Variants in FHIT observed in about 807,000 individuals in gnomAD.
FHIT encodes bis(5'-adenosyl)-triphosphatase.
A neutral mutation model predicts 17.9 loss-of-function variants in FHIT; 19 were observed. The observed-to-expected ratio is 1.06, with a 90% CI of 0.74 to 1.56. FHIT has a LOEUF of 1.56. Ranked by LOEUF, FHIT falls within the 40% of genes most tolerant of loss-of-function variation. The pLI is 0.00. For missense variants in FHIT, 248 were observed against 189.2 expected (o/e 1.31, Z -1.82); for synonymous variants, 81 against 69.7 (o/e 1.16, Z -0.81).
At chr3:61,106,694 C>A (rs1451458029) in intron 2 of FHIT, among the ~76,000 whole-genome samples, 1 of 152,106 alleles carries the variant, frequency 6.6e-6, no homozygotes, top group East Asian at 1.9e-4. Context: ...TGGAGTCTCG[C>A]TCTGTCGCCC....
At chr3:59,870,062 G>C (rs1248343225) in intron 8 of FHIT, among the ~76,000 whole-genome samples, 1 of 152,154 alleles carries the variant, frequency 6.6e-6, no homozygotes, top group Non-Finnish European at 1.5e-5. Context: ...TGGGGAAACT[G>C]AGATAGAGTT....
chr3:59,911,816 C>T (rs1289819556), intron 8 of FHIT, among the ~76,000 whole-genome samples: 2 of 152,130 alleles, frequency 1.3e-5, no homozygotes, highest in African/African-American at 2.4e-5. Flanking sequence ...TTCGGAGAAC[C>T]AGGCTTTGAA....
intron 4 of FHIT, among the ~76,000 whole-genome samples, chr3:60,662,252 A>G (rs1204973323): frequency 6.6e-6 from 1 of 152,130 alleles, no homozygotes; most frequent in Non-Finnish European, 1.5e-5. Context: ...TCATTCTTCT[A>G]CATGTGGCTT....
chr3:60,597,807 AT>A (rs1222645991), intron 4 of FHIT, among the ~76,000 whole-genome samples: 1 of 152,166 alleles, frequency 6.6e-6, no homozygotes, highest in African/African-American at 2.4e-5. Context: ...AAAGTTCAAA[AT>A]GACCAAGCTA....
At chr3:60,680,424 ACT>A (rs1221036824) in intron 4 of FHIT, among the ~76,000 whole-genome samples, 1 of 151,902 alleles carries the variant, frequency 6.6e-6, no homozygotes, top group Admixed American at 6.6e-5. Flanking sequence ...GTTTGTATTA[ACT>A]CTTTTTATAT....
intron 5 of FHIT, among the ~76,000 whole-genome samples, chr3:60,456,660 G>T (rs546041837): frequency 2.2e-4 from 34 of 152,210 alleles, no homozygotes; most frequent in African/African-American, 7.9e-4. Context: ...GCTATTTGGA[G>T]GCAGATTAGA....
At chr3:60,893,950 G>A (rs1302595121) in intron 3 of FHIT, among the ~76,000 whole-genome samples, 2 of 152,180 alleles carry the variant, frequency 1.3e-5, no homozygotes, top group Non-Finnish European at 2.9e-5. Flanking sequence ...TCCCTAGTGA[G>A]GCCCATTCTA....
chr3:60,895,592 T>G (rs76589788), intron 3 of FHIT, among the ~76,000 whole-genome samples: 1 of 152,148 alleles, frequency 6.6e-6, no homozygotes, highest in African/African-American at 2.4e-5. Flanking sequence ...TTCACAGCAA[T>G]TAGTTGGTTT....
rs554410769 is a variant in FHIT at position 60,521,249 on chromosome 3, T to G, written c.103+15611A>C. On this transcript the variant is annotated intron_variant, in intron 5 of 9. Coordinates refer to ENST00000492590, the MANE Select transcript of FHIT (RefSeq NM_002012.4). ...TAATGGACAATAAAAAAAAAATAAG[T>G]ATTATTATTATTTTTTGAGGCGGAG... Among the ~76,000 whole-genome samples the G allele has an allele frequency of 6.1e-4, 49 of 80,052 alleles. 2 individuals carry two copies. In the East Asian group the frequency reaches 8.1e-3, roughly 13 times the overall value. The allele number at this position is 80,052 out of a possible 152,430, so 52.5% of individuals were successfully genotyped here.
At chr3:60,656,981 C>CAA (rs35443634) in intron 4 of FHIT, among the ~76,000 whole-genome samples, 116,819 of 149,470 alleles carry the variant, frequency 0.78, 46,061 homozygotes, top group East Asian at 0.85. Flanking sequence ...TATGTCCACA[C>CAA]AAAAAAAAAC....
chr3:60,295,577 T>C (rs1039121615), intron 5 of FHIT, among the ~76,000 whole-genome samples: 5 of 152,094 alleles, frequency 3.3e-5, no homozygotes, highest in Non-Finnish European at 7.4e-5. Flanking sequence ...AAGCCATTCA[T>C]GAGGGATCTG....
chr3:60,465,192 T>A (rs2032716408), intron 5 of FHIT, among the ~76,000 whole-genome samples: 1 of 152,164 alleles, frequency 6.6e-6, no homozygotes, highest in African/African-American at 2.4e-5. Context: ...TCTATCCAGA[T>A]CTCTGCTCAT....
intron 2 of FHIT, among the ~76,000 whole-genome samples, chr3:61,179,199 G>A (rs1025661309): frequency 4.0e-5 from 6 of 151,452 alleles, no homozygotes; most frequent in South Asian, 2.1e-4. Flanking sequence ...TAGTAGAGAC[G>A]GGGTTTCACC....
intron 2 of FHIT, among the ~76,000 whole-genome samples, chr3:61,158,018 T>C (rs910592480): frequency 5.3e-5 from 8 of 152,200 alleles, no homozygotes; most frequent in East Asian, 1.9e-4. Flanking sequence ...GAATTTACCA[T>C]GGATGACAGT....
chr3:60,215,042 G>C (rs371497920), intron 5 of FHIT, among the ~76,000 whole-genome samples: 13 of 152,000 alleles, frequency 8.6e-5, no homozygotes, highest in African/African-American at 3.1e-4. Context: ...AGGGGCACAT[G>C]GATTCAAAGC....
intron 5 of FHIT, among the ~76,000 whole-genome samples, chr3:60,026,379 T>C (rs576786392): frequency 8.5e-5 from 13 of 152,132 alleles, no homozygotes; most frequent in African/African-American, 3.1e-4. Context: ...CCAGCAATGG[T>C]AATGCGGTTA....
rs113408334 is a variant in FHIT, at chr3:60,448,469, A to T, written c.103+88391T>A. ...GTATGTGGTAGGCACTGTGCCAAGG[A>T]TATTACATAAAATCTGCTCATCTTC... is the stretch of plus-strand genomic sequence containing the variant. On this transcript the variant is annotated intron_variant, in intron 5 of 9. Transcript: ENST00000492590. Among the ~76,000 whole-genome samples, 525 of 152,336 alleles carry T rather than the reference A, an allele frequency of 3.4e-3. 1 individual carries two copies. Among genetic ancestry groups the T allele is most frequent in the Middle Eastern group, 6.8e-3 (2 of 294 alleles).
intron 4 of FHIT, chr3:60,730,098 TC>T: frequency 1.9e-6 from 1 of 514,852 alleles, no homozygotes; most frequent in Admixed American, 2.1e-5. Context: ...AGTAGATGTG[TC>T]CCAATGTCAT....
At chr3:61,159,317 A>G (rs2037622154) in intron 2 of FHIT, among the ~76,000 whole-genome samples, 1 of 152,168 alleles carries the variant, frequency 6.6e-6, no homozygotes, top group South Asian at 2.1e-4. Context: ...GTTTGATACA[A>G]TCTGTAAATA....
Sources: gnomAD v4.1 joint callset for allele counts (sites outside exome capture counted in the v4.1 genomes callset) on GRCh38, gnomAD v4.1.1 for gene constraint, MANE v1.5 for transcripts, NCBI Gene and HGNC (gene_info 2026-07-23, HGNC 2026-07-21) for gene names.